CCDC169: variants seen among roughly 807,000 people sequenced by gnomAD.
The protein encoded by CCDC169 is coiled-coil domain containing 169.
Under a neutral mutation model 36.0 loss-of-function variants are expected in CCDC169, and 30 were observed. That is an observed-to-expected ratio of 0.83 (90% confidence interval 0.62 to 1.13). CCDC169 has a LOEUF of 1.13. Among genes scored for constraint, CCDC169 ranks in the 50% most tolerant of loss-of-function variants. CCDC169 has a pLI of 0.00. For synonymous variants in CCDC169, 85 were observed against 81.5 expected, an observed-to-expected ratio of 1.04 and a Z score of -0.23; for missense variants, 245 against 245.9, an observed-to-expected ratio of 1.00 and a Z score of 0.03.
chr13:36,242,770 G>T (rs9546846), intron 7 of CCDC169, among the ~76,000 whole-genome samples: 23,024 of 152,100 alleles, frequency 0.15, 2,086 homozygotes, highest in Non-Finnish European at 0.2. Flanking sequence ...AGCTGAATGG[G>T]CAGGTATACC....
In CCDC169 at chr13:36,240,073, T is replaced by C. The variant is rs932453564; in HGVS notation, c.545+8533A>G. 5.3e-5 allele frequency among the ~76,000 whole-genome samples: 8 copies of C among 152,192 alleles called. No homozygotes were observed. In the South Asian group the frequency reaches 8.3e-4, roughly 16 times the overall value. ...CATACACAGGGTGCAGTACTATCCATGGTTTTGGTATCCACTGGTGGTCTT... is the reference window on the plus strand; with the variant it reads ...CATACACAGGGTGCAGTACTATCCACGGTTTTGGTATCCACTGGTGGTCTT... On this transcript the variant is annotated intron_variant, in intron 7 of 7. Coordinates refer to ENST00000239859, the MANE Select transcript of CCDC169 (RefSeq NM_001144981.3).
intron 4 of CCDC169, among the ~76,000 whole-genome samples, chr13:36,259,767 A>G (rs1426893247): frequency 2.0e-5 from 3 of 152,214 alleles, no homozygotes; most frequent in Non-Finnish European, 2.9e-5. Context: ...CAAAGGTTGA[A>G]GTTTTCCTTT....
intron 2 of CCDC169, among the ~76,000 whole-genome samples, chr13:36,291,313 G>GT (rs1269738452): frequency 6.6e-6 from 1 of 150,948 alleles, no homozygotes; most frequent in Non-Finnish European, 1.5e-5. Flanking sequence ...TTATTCTAGA[G>GT]TTTCCTGTAT....
intron 4 of CCDC169, chr13:36,281,324 T>C (rs1877512545): frequency 2.3e-6 from 1 of 435,368 alleles, no homozygotes; most frequent in East Asian, 7.1e-5. Flanking sequence ...ACCTTTCTCT[T>C]ACATTCTGCC....
chr13:36,284,811 G>A (rs1332502949), intron 2 of CCDC169, among the ~76,000 whole-genome samples: 1 of 152,158 alleles, frequency 6.6e-6, no homozygotes, highest in East Asian at 1.9e-4. Flanking sequence ...GAGTTAAGGA[G>A]AAAGAGTATT....
intron 4 of CCDC169, among the ~76,000 whole-genome samples, chr13:36,265,833 C>A (rs1875229729): frequency 6.6e-6 from 1 of 152,160 alleles, no homozygotes; most frequent in Non-Finnish European, 1.5e-5. Flanking sequence ...GTTATCACTG[C>A]AGGGGTAGGG....
chr13:36,259,109 C>G (rs1434663398), intron 4 of CCDC169, among the ~76,000 whole-genome samples: 1 of 152,164 alleles, frequency 6.6e-6, no homozygotes, highest in African/African-American at 2.4e-5. Flanking sequence ...ATCCTGCTCC[C>G]TCGGATACCA....
At chr13:36,280,749 C>A (rs1877407810) in intron 4 of CCDC169, 1 of 152,136 alleles carries the variant, frequency 6.6e-6, no homozygotes, top group African/African-American at 2.4e-5. Context: ...TTTTTCTATA[C>A]CTTTTATTTT....
downstream of CCDC169, chr13:36,225,475 G>A (rs9531630): frequency 0.39 from 59,958 of 152,222 alleles, 12,878 homozygotes; most frequent in Non-Finnish European, 0.48. Flanking sequence ...AAAGTGTTGG[G>A]ATTACAGGCA....
intron 4 of CCDC169, among the ~76,000 whole-genome samples, chr13:36,268,527 A>G (rs1467665806): frequency 1.3e-5 from 2 of 152,194 alleles, no homozygotes; most frequent in Non-Finnish European, 2.9e-5. Flanking sequence ...AAGGTGAAAG[A>G]GTACAAATTG....
chr13:36,288,972 A>T (rs1038107477), intron 2 of CCDC169, among the ~76,000 whole-genome samples: 1 of 152,164 alleles, frequency 6.6e-6, no homozygotes, highest in Admixed American at 6.5e-5. Context: ...CATGTAATAA[A>T]TGGTCTATGT....
In CCDC169 at chr13:36,248,560, T is replaced by C. The variant is rs991942249; in HGVS notation, c.545+46A>G. 7 of 1,525,696 alleles carry C rather than the reference T, an allele frequency of 4.6e-6. No homozygotes were observed. In the Admixed American group the frequency reaches 7.9e-5, roughly 17 times the overall value. The allele number at this position is 1,525,696 out of a possible 1,614,324, so 94.5% of individuals were successfully genotyped here. A position where few individuals can be genotyped will look rare whatever the true frequency, so the allele number is the denominator to read the frequency against. On this transcript the variant is annotated intron_variant, in intron 7 of 7. Transcript: ENST00000239859. ...ACACCTGTTTTGTCAGTGGCATTTA[T>C]GTGCAAATGTAACGAATTAGAAAGA...
At chr13:36,282,213 C>T (rs1169563235) in intron 4 of CCDC169, among the ~76,000 whole-genome samples, 1 of 152,178 alleles carries the variant, frequency 6.6e-6, no homozygotes, top group African/African-American at 2.4e-5. Flanking sequence ...TGAATTCATA[C>T]TCTATCCCAC....
chr13:36,276,773 T>C (rs1012986022), intron 4 of CCDC169, among the ~76,000 whole-genome samples: 1 of 151,764 alleles, frequency 6.6e-6, no homozygotes, highest in Non-Finnish European at 1.5e-5. Context: ...GTGGGGCTTG[T>C]TGATAAGAGC....
intron 4 of CCDC169, among the ~76,000 whole-genome samples, chr13:36,258,077 C>A (rs562261570): frequency 3.8e-4 from 48 of 126,592 alleles, no homozygotes; most frequent in African/African-American, 1.2e-3. Flanking sequence ...AAAGCCTCTG[C>A]AGAATTTGAC....
At chr13:36,249,697 C>A (rs1872909334) in intron 6 of CCDC169, among the ~76,000 whole-genome samples, 1 of 151,616 alleles carries the variant, frequency 6.6e-6, no homozygotes, top group Admixed American at 6.6e-5. Context: ...AAAGGATAAG[C>A]CAAAGGCAGT....
intron 2 of CCDC169, among the ~76,000 whole-genome samples, chr13:36,290,366 ATAATT>A (rs1594092544): frequency 2.0e-5 from 3 of 152,370 alleles, no homozygotes. Context: ...TTGACACTAA[ATAATT>A]TAAATGTTTA....
At position 36,266,557 on chromosome 13, in the gene CCDC169, A is replaced by G. The variant is rs150549679; in HGVS notation, c.316-12414T>C. Among the ~76,000 whole-genome samples the G allele has an allele frequency of 4.9e-3, 749 of 152,264 alleles. 4 individuals are homozygous for G. The highest frequency in any genetic ancestry group is 7.8e-3 in the Non-Finnish European group (532 of 68,022). ...CCTCTGGAGCTCTGCAACTCTCACAATTAGGTCTTTAGCCTGTTGTTTTAC... is the reference window on the plus strand; with the variant it reads ...CCTCTGGAGCTCTGCAACTCTCACAGTTAGGTCTTTAGCCTGTTGTTTTAC... On this transcript the variant is annotated intron_variant, in intron 4 of 7. Transcript: ENST00000239859.
intron 1 of CCDC169, 109 bp from the exon 2 acceptor site, chr13:36,295,966 A>G (rs1356454073): frequency 4.8e-6 from 3 of 630,902 alleles, no homozygotes; most frequent in Non-Finnish European, 8.1e-6. Context: ...ATGACACATT[A>G]TTTACTGAAG....
Sources: allele counts gnomAD v4.1 joint callset (sites outside exome capture counted in the v4.1 genomes callset), GRCh38; gene constraint gnomAD v4.1.1; transcripts MANE v1.5; gene names NCBI Gene and HGNC (gene_info 2026-07-23, HGNC 2026-07-21).